AFDN: variants seen among roughly 807,000 people sequenced by gnomAD.
The protein encoded by AFDN is afadin, adherens junction formation factor, also known as afadin.
AFDN carries 68 observed loss-of-function variants against 216.6 expected under a neutral mutation model. That is an observed-to-expected ratio of 0.31 (90% CI 0.26 to 0.38). AFDN has a LOEUF of 0.38. Among genes scored for constraint, AFDN ranks in the 10% least tolerant of loss-of-function variants. The pLI is 1.00. For missense variants in AFDN, 2,136 were observed against 2,342.0 expected (o/e 0.91, Z 1.82); for synonymous variants, 868 against 853.7 (o/e 1.02, Z -0.29).
chr6:167,963,283 A>C (rs1314097910), intron 31 of AFDN: 1 of 1,063,096 alleles, frequency 9.4e-7, no homozygotes, highest in Non-Finnish European at 1.1e-6. Flanking sequence ...GTAGCCGTTG[A>C]GCTCCCTGTG....
chr6:167,915,355 G>A lies in AFDN; in HGVS notation c.2487G>A (p.Gln829=), dbSNP rs755729244. The A allele has an allele frequency of 1.9e-6, 3 of 1,614,142 alleles. No homozygotes were observed. Among genetic ancestry groups the A allele is most frequent in the Admixed American group, 1.7e-5 (1 of 60,010 alleles). ...SHYWGAIIRQ[Q]LGHIEAWAEK... ...ACTGGGGTGCGATTATCCGTCAGCA[G>A]TTGGGCCATATTGAAGCCTGGGCTG... Residue 829 remains glutamine, a synonymous_variant, in exon 19 of 34, where the codon CAG becomes CAA. Transcript: ENST00000683244.
At chr6:167,844,888 C>T (rs1338174521) in intron 1 of AFDN, among the ~76,000 whole-genome samples, 2 of 125,926 alleles carry the variant, frequency 1.6e-5, no homozygotes, top group Admixed American at 2.0e-4. Flanking sequence ...GAGACAGGGT[C>T]TCACTCTGTC....
Position 167,945,510 on chromosome 6 carries a change from A to G in AFDN, c.3359-1197A>G, listed in dbSNP as rs903134525. On this transcript the variant is annotated intron_variant, in intron 26 of 33. Transcript: ENST00000683244. ...GTCGCATATTACATTATCAAGTATT[A>G]TATACCGTGTATAATTGTATGAACT... Among the ~76,000 whole-genome samples, 4 of 152,244 alleles carry G rather than the reference A, an allele frequency of 2.6e-5. No individual in the cohort carries two copies. The East Asian group carries it at 5.8e-4, about 22-fold the overall frequency.
At chr6:167,947,747 C>G (rs1471143379) in intron 27 of AFDN, 106 bp from the exon 28 acceptor site, 1 of 649,714 alleles carries the variant, frequency 1.5e-6, no homozygotes, top group Admixed American at 2.8e-5. Context: ...GTGCTGGATA[C>G]TCACTAGCAG....
Position 167,963,906 on chromosome 6 carries a change from G to A in AFDN, c.4968+1339G>A, listed in dbSNP as rs1008236611. 18 of 1,064,522 alleles carry A rather than the reference G, an allele frequency of 1.7e-5. No individual in the cohort carries two copies. The African/African-American group carries it at 2.0e-4, about 12-fold the overall frequency. The allele number at this position is 1,064,522 out of a possible 1,614,324, so 65.9% of individuals were successfully genotyped here. ...TGAAAGCGCTCCCTGGCTGCTTGGA[G>A]GGCTGTGCTTTTCCAGGTCAGTGCC... On this transcript the variant is annotated intron_variant, in intron 31 of 33. Transcript: ENST00000683244.
At chr6:167,931,061 G>A (rs568758338) in intron 23 of AFDN, among the ~76,000 whole-genome samples, 23 of 152,278 alleles carry the variant, frequency 1.5e-4, no homozygotes, top group Admixed American at 9.2e-4. Context: ...AGGCGTTCTG[G>A]AACAGACACC....
chr6:167,897,835 G>A (rs765225711), intron 10 of AFDN, among the ~76,000 whole-genome samples: 10 of 151,700 alleles, frequency 6.6e-5, no homozygotes, highest in Non-Finnish European at 1.0e-4. Context: ...TCGTAGAGAC[G>A]GAGTTTCACC....
rs142377645 is a variant in AFDN at position 167,948,470 on chromosome 6, G to T, written c.3823G>T (p.Ala1275Ser). Residue 1275 changes from alanine to serine, a missense_variant, in exon 29 of 34, where the codon GCA (alanine) becomes TCA (serine). Transcript: ENST00000683244. ...MHTDSNHSSI[A>S]IQRVTRSQEE... is the part of the protein sequence containing the mutation. ...CACAGATAGTAATCATTCCAGTATT[G>T]CAATTCAGGTTAGAAATCAAAGATT... 1.8e-4 allele frequency: 290 copies of T among 1,613,070 alleles called. No individual in the cohort carries two copies. The highest frequency in any genetic ancestry group is 2.3e-4 in the Non-Finnish European group (271 of 1,179,484).
At chr6:167,956,696 C>T (rs1796554961) in intron 30 of AFDN, among the ~76,000 whole-genome samples, 1 of 152,222 alleles carries the variant, frequency 6.6e-6, no homozygotes, top group South Asian at 2.1e-4. Flanking sequence ...CAGCCTTCCC[C>T]ATTTCAGCTG....
chr6:167,886,059 A>C (rs1189908181), intron 6 of AFDN, among the ~76,000 whole-genome samples: 1 of 152,250 alleles, frequency 6.6e-6, no homozygotes, highest in East Asian at 1.9e-4. Flanking sequence ...ATAATTATTG[A>C]AAGTATGGTC....
intron 11 of AFDN, among the ~76,000 whole-genome samples, chr6:167,899,742 T>A (rs1293119135): frequency 2.0e-5 from 3 of 152,232 alleles, no homozygotes; most frequent in African/African-American, 4.8e-5. Flanking sequence ...AAACAGTTTC[T>A]TCCGCTGTGT....
At chr6:167,897,041 C>T in intron 10 of AFDN, 69 bp downstream of exon 10, 4 of 773,316 alleles carry the variant, frequency 5.2e-6, no homozygotes, top group East Asian at 2.6e-5. Flanking sequence ...ACAGAGCCTG[C>T]CACATGGTAA....
At chr6:167,889,389 T>C in intron 7 of AFDN, 63 bp downstream of exon 7, 1 of 1,113,086 alleles carries the variant, frequency 9.0e-7, no homozygotes, top group Non-Finnish European at 1.4e-6. Flanking sequence ...GGTGTTCACC[T>C]TATCACATGA....
At chr6:167,924,460 G>A (rs952710360) in intron 22 of AFDN, among the ~76,000 whole-genome samples, 1 of 152,192 alleles carries the variant, frequency 6.6e-6, no homozygotes, top group African/African-American at 2.4e-5. Flanking sequence ...ATAGCAGCGT[G>A]CTCTGGGTGT....
chr6:167,896,807 T>G, intron 9 of AFDN, 71 bp from the exon 10 acceptor site: 1 of 908,060 alleles, frequency 1.1e-6, no homozygotes, highest in East Asian at 2.6e-5. Flanking sequence ...GATAACCTTT[T>G]GTTTGTTGGA....
chr6:167,954,049 G>A (rs57670229), intron 30 of AFDN, among the ~76,000 whole-genome samples: 1 of 152,168 alleles, frequency 6.6e-6, no homozygotes, highest in Non-Finnish European at 1.5e-5. Context: ...AGGTCTCTCA[G>A]AGTTTTTCCA....
chr6:167,871,999 T>A (rs1006628557), intron 3 of AFDN, among the ~76,000 whole-genome samples: 1 of 152,216 alleles, frequency 6.6e-6, no homozygotes, highest in African/African-American at 2.4e-5. Flanking sequence ...GATGCACAGA[T>A]CTTGAGTGTG....
At position 167,926,702 on chromosome 6, in the gene AFDN, C is replaced by T. The variant is rs1488836302; in HGVS notation, c.3099+1611C>T. The stretch of plus-strand genomic sequence containing the variant: ...CCTCCCACTTCGGCCTCCCAAAGTG[C>T]TAACAAAGCTTTTGTGTCCTACTTT... On this transcript the variant is annotated intron_variant, in intron 23 of 33. Coordinates refer to ENST00000683244, the MANE Select transcript of AFDN (RefSeq NM_001386888.1). Among the ~76,000 whole-genome samples, 10 of 152,328 alleles carry T rather than the reference C, an allele frequency of 6.6e-5. No individual in the cohort carries two copies. The East Asian group carries it at 1.7e-3, about 26-fold the overall frequency.
At chr6:167,903,197 C>A (rs1789208708) in intron 12 of AFDN, among the ~76,000 whole-genome samples, 1 of 152,194 alleles carries the variant, frequency 6.6e-6, no homozygotes, top group Admixed American at 6.5e-5. Context: ...AACTTTGTGG[C>A]TAAACAGCAA....
Sources: gnomAD v4.1 joint callset for allele counts (sites outside exome capture counted in the v4.1 genomes callset) on GRCh38, gnomAD v4.1.1 for gene constraint, MANE v1.5 for transcripts, NCBI Gene and HGNC (gene_info 2026-07-23, HGNC 2026-07-21) for gene names.